BIRC2: variants seen among roughly 807,000 people sequenced by gnomAD.
The protein encoded by BIRC2 is baculoviral IAP repeat-containing protein 2.
Under a neutral mutation model 60.9 loss-of-function variants are expected in BIRC2, and 18 were observed. The observed-to-expected ratio is 0.30, with a 90% CI of 0.20 to 0.44. The LOEUF (loss-of-function observed/expected upper bound fraction) is 0.44. Ranked by LOEUF, BIRC2 falls within the 20% of genes least tolerant of loss-of-function variation. The pLI, the probability that BIRC2 is intolerant of heterozygous loss-of-function variation, is 1.00. For missense variants in BIRC2, 701 were observed against 728.5 expected (o/e 0.96, Z 0.43); for synonymous variants, 282 against 247.7 (o/e 1.14, Z -1.30).
chr11:102,356,657 TTATA>T (rs1196197375), intron 3 of BIRC2, among the ~76,000 whole-genome samples: 1 of 150,424 alleles, frequency 6.6e-6, no homozygotes, highest in Non-Finnish European at 1.5e-5. Context: ...GTTGAGATGT[TTATA>T]TTATTATTAT....
chr11:102,376,706 G>GT (rs1040917560), intron 6 of BIRC2, among the ~76,000 whole-genome samples: 1 of 151,954 alleles, frequency 6.6e-6, no homozygotes, highest in Non-Finnish European at 1.5e-5. Context: ...TTCTTAGGTA[G>GT]TTTTTTTTAA....
intron 3 of BIRC2, among the ~76,000 whole-genome samples, chr11:102,360,995 G>A (rs10895290): frequency 0.14 from 21,081 of 151,970 alleles, 1,791 homozygotes; most frequent in East Asian, 0.26. Flanking sequence ...GCTTTTTTTA[G>A]TCTATAGTGG....
At chr11:102,376,998 C>G (rs1344626934) in intron 6 of BIRC2, among the ~76,000 whole-genome samples, 2 of 152,030 alleles carry the variant, frequency 1.3e-5, no homozygotes, top group African/African-American at 2.4e-5. Flanking sequence ...TTGAAAAGAA[C>G]ACTGGTCTAG....
chr11:102,350,706 A>G lies in BIRC2; in HGVS notation c.852A>G (p.Pro284=), dbSNP rs1951349390. The G allele has an allele frequency of 1.9e-6, 3 of 1,612,014 alleles. No individual in the cohort carries two copies. The highest frequency in any genetic ancestry group is 1.7e-5 in the Admixed American group (1 of 59,838). ...RTFMYWPSSV[P]VQPEQLASAG... Reference sequence around the variant, plus strand: ...TTATGTACTGGCCATCTAGTGTTCCAGTTCAGCCTGAGCAGCTTGCAAGTG... The same window carrying G: ...TTATGTACTGGCCATCTAGTGTTCCGGTTCAGCCTGAGCAGCTTGCAAGTG... Residue 284 remains proline (P), a synonymous_variant, in exon 2 of 9, where the codon CCA becomes CCG. Coordinates refer to ENST00000227758, the MANE Select transcript of BIRC2 (RefSeq NM_001166.5).
At chr11:102,375,775 A>C (rs1282036132) in intron 6 of BIRC2, among the ~76,000 whole-genome samples, 1 of 147,664 alleles carries the variant, frequency 6.8e-6, no homozygotes, top group Non-Finnish European at 1.5e-5. Flanking sequence ...GCCAGACTCC[A>C]TCTCAAAAAA....
At position 102,377,768 on chromosome 11, in the gene BIRC2, A is replaced by G. The variant is rs774347886; in HGVS notation, c.1621+18A>G. The G allele has an allele frequency of 1.9e-6, 3 of 1,592,910 alleles. No homozygotes were observed. Among genetic ancestry groups the G allele is most frequent in the Non-Finnish European group, 2.6e-6 (3 of 1,175,356 alleles). Reference sequence around the variant, plus strand: ...CTTATTTGGTGAGTTTGTTGGGAAAATTATTTTAGAAATTCTTAGGACTGG... The same window carrying G: ...CTTATTTGGTGAGTTTGTTGGGAAAGTTATTTTAGAAATTCTTAGGACTGG... On this transcript the variant is annotated intron_variant, in intron 7 of 8. Coordinates refer to ENST00000227758, the MANE Select transcript of BIRC2 (RefSeq NM_001166.5).
At chr11:102,355,288 A>G (rs1226472839) in intron 3 of BIRC2, among the ~76,000 whole-genome samples, 1 of 152,204 alleles carries the variant, frequency 6.6e-6, no homozygotes, top group Admixed American at 6.5e-5. Flanking sequence ...TGTAGGTGGT[A>G]TAAGATAGAG....
intron 3 of BIRC2, among the ~76,000 whole-genome samples, chr11:102,357,474 G>T (rs2135809123): frequency 6.6e-6 from 1 of 152,018 alleles, no homozygotes; most frequent in South Asian, 2.1e-4. Context: ...CTCCTTACTA[G>T]TTATAAGTCT....
At chr11:102,354,519 TTAG>T (rs1314020103) in intron 3 of BIRC2, among the ~76,000 whole-genome samples, 1 of 152,198 alleles carries the variant, frequency 6.6e-6, no homozygotes, top group Non-Finnish European at 1.5e-5. Flanking sequence ...CATTCATCCC[TTAG>T]TAGACACTTA....
In BIRC2 at chr11:102,350,228, C is replaced by G. The variant is rs925562995; in HGVS notation, c.374C>G (p.Ser125Cys). 25 of 1,614,116 alleles carry G rather than the reference C, an allele frequency of 1.5e-5. No homozygotes were observed. The highest frequency in any genetic ancestry group is 1.9e-5 in the Non-Finnish European group (23 of 1,180,048). ...GTTTCAGCTAGTCTGGGATCCACCT[C>G]TAAGAATACGTCTCCAATGAGAAAC... ...NLVSASLGST[S>C]KNTSPMRNSF... Residue 125 changes from serine to cysteine, a missense_variant, in exon 2 of 9, where the codon TCT (serine) becomes TGT (cysteine). By Grantham distance (112) the Ser-to-Cys change is moderately radical. Transcript: ENST00000227758.
rs7930963 is a variant in BIRC2, at chr11:102,364,178, C to G, written c.1123+462C>G. 2.4e-4 allele frequency among the ~76,000 whole-genome samples: 15 copies of G among 62,740 alleles called. 1 individual carries two copies. The highest frequency in any genetic ancestry group is 1.3e-3 in the African/African-American group (14 of 11,096). 41.2% of individuals were successfully genotyped at this position (62,740 alleles called of 152,430 possible). Reference sequence around the variant, plus strand: ...ATATATATATATATATATATATACACACACACACAGAGAGAGAGAGAGAGA... The same window carrying G: ...ATATATATATATATATATATATACAGACACACACAGAGAGAGAGAGAGAGA... On this transcript the variant is annotated intron_variant, in intron 5 of 8. Transcript: ENST00000227758.
At position 102,362,913 on chromosome 11, in the gene BIRC2, G is replaced by A. The variant is rs777453407; in HGVS notation, c.1013G>A (p.Arg338Gln). The change falls in exon 4 of 9, where the codon CGA (arginine) becomes CAA (glutamine). Residue 338 changes from arginine (R) to glutamine (Q), a missense_variant. By Grantham distance (43) the Arg-to-Gln change is conservative (BLOSUM62 1). This residue lies in a region of BIRC2 where 39 missense variants were observed against 69.8 expected (regional missense o/e 0.56). Transcript: ENST00000227758. ...KWFPRCEFLI[R>Q]MKGQEFVDEI... ...TGTTTTAGGTGTGAGTTCTTGATAC[G>A]AATGAAAGGCCAAGAGTTTGTTGAT... is the stretch of plus-strand genomic sequence containing the variant. 2.0e-5 allele frequency: 33 copies of A among 1,612,400 alleles called. No homozygotes were observed. The highest frequency in any genetic ancestry group is 4.0e-5 in the African/African-American group (3 of 74,830).
chr11:102,356,592 G>A (rs1951424163), intron 3 of BIRC2, among the ~76,000 whole-genome samples: 1 of 151,832 alleles, frequency 6.6e-6, no homozygotes, highest in Admixed American at 6.6e-5. Context: ...CTAAATTGGT[G>A]AGAATTTTTA....
At chr11:102,358,589 GT>G (rs1951449091) in intron 3 of BIRC2, among the ~76,000 whole-genome samples, 1 of 152,042 alleles carries the variant, frequency 6.6e-6, no homozygotes, top group Non-Finnish European at 1.5e-5. Flanking sequence ...GTATTATTGT[GT>G]TACTATCTAT....
chr11:102,374,260 C>G (rs1445083512), intron 6 of BIRC2, among the ~76,000 whole-genome samples: 3 of 151,276 alleles, frequency 2.0e-5, no homozygotes, highest in African/African-American at 7.3e-5. Context: ...TTTAGAGTTT[C>G]CAGCTTTTCT....
At chr11:102,370,030 A>C (rs946376722) in intron 6 of BIRC2, among the ~76,000 whole-genome samples, 1 of 152,028 alleles carries the variant, frequency 6.6e-6, no homozygotes, top group Admixed American at 6.5e-5. Flanking sequence ...TTGTCTTGTA[A>C]ATTTGTTTGA....
intron 6 of BIRC2, among the ~76,000 whole-genome samples, chr11:102,374,144 G>A (rs1474262302): frequency 1.1e-4 from 16 of 150,120 alleles, no homozygotes; most frequent in African/African-American, 3.7e-4. Context: ...TAATTTGATC[G>A]TCTGAAGCCT....
intron 3 of BIRC2, among the ~76,000 whole-genome samples, chr11:102,352,362 C>T (rs1486928555): frequency 6.6e-6 from 1 of 152,064 alleles, no homozygotes; most frequent in Admixed American, 6.6e-5. Flanking sequence ...GATCCACCCA[C>T]CTCAGCCTCC....
chr11:102,363,167 C>T (rs887032912), intron 4 of BIRC2, among the ~76,000 whole-genome samples, 193 bp downstream of exon 4: 8 of 152,244 alleles, frequency 5.3e-5, no homozygotes, highest in East Asian at 3.9e-4. Flanking sequence ...TACTTTCATC[C>T]ATGTTAATGA....
Sources: gnomAD v4.1 joint callset for allele counts (sites outside exome capture counted in the v4.1 genomes callset) on GRCh38, gnomAD v4.1.1 for gene constraint, gnomAD v4.1.1 regional missense constraint, MANE v1.5 for transcripts, NCBI Gene and HGNC (gene_info 2026-07-23, HGNC 2026-07-21) for gene names.